Variants in SZT2 observed in about 807,000 individuals in gnomAD.
SZT2 encodes the protein KICSTOR complex protein SZT2.
SZT2 carries 216 observed loss-of-function variants against 404.2 expected under a neutral mutation model. The observed-to-expected ratio is 0.53, with a 90% CI of 0.48 to 0.60. The LOEUF is 0.60. Among genes scored for constraint, SZT2 ranks in the 20% least tolerant of loss-of-function variants. The probability of loss-of-function intolerance (pLI) is 0.00; values close to 1 mark genes in which losing one functional copy is unlikely to be tolerated. For synonymous variants in SZT2, 1,693 were observed against 1,749.9 expected, an observed-to-expected ratio of 0.97 and a Z score of 0.81; for missense variants, 3,857 against 4,459.2, an observed-to-expected ratio of 0.86 and a Z score of 3.85.
Position 43,447,107 on chromosome 1 carries a change from G to A in SZT2, c.9225G>A (p.Leu3075=). The A allele has an allele frequency of 1.2e-6, 2 of 1,613,900 alleles. No homozygotes were observed. Among genetic ancestry groups the A allele is most frequent in the Non-Finnish European group, 1.7e-6 (2 of 1,180,012 alleles). ...ACGGCTACCACCTCACCACCTTTCT[G>A]CGACACTTCCTGGCCCACCACCCTG... is the stretch of plus-strand genomic sequence containing the variant. The part of the protein sequence containing the change: ...LRHGYHLTTF[L]RHFLAHHPDG... The change falls in exon 66 of 72, where the codon CTG becomes CTA. Residue 3075 remains leucine, a synonymous_variant. Coordinates refer to ENST00000634258, the MANE Select transcript of SZT2 (RefSeq NM_001365999.1).
Position 43,437,834 on chromosome 1 carries a change from A to G in SZT2, c.6440A>G (p.Asp2147Gly). Residue 2147 changes from aspartate to glycine, a missense_variant, in exon 46 of 72, where the codon GAT (aspartate) becomes GGT (glycine). Around this residue, in one of 7 missense-constraint regions of SZT2, gnomAD observed 261 missense variants for 372.9 expected, o/e 0.70. Transcript: ENST00000634258. The surrounding 1 kb of genome is among the most constrained non-coding windows in gnomAD (Gnocchi z 5.3). ...PLDMVSSRSS[D>G]AARPVGQVDR... ...GACATGGTCTCTAGCCGCAGTTCAGATGCTGCTCGTCCTGTGGGCCAAGTG... is the reference window on the plus strand; with the variant it reads ...GACATGGTCTCTAGCCGCAGTTCAGGTGCTGCTCGTCCTGTGGGCCAAGTG... The G allele has an allele frequency of 6.2e-7, 1 of 1,614,090 alleles. No homozygotes were observed. The highest frequency in any genetic ancestry group is 1.3e-5 in the African/African-American group (1 of 75,008).
chr1:43,441,089 C>T lies in SZT2; in HGVS notation c.7345-125C>T. ...CTGCCCAAGGCTCCTTAGCCAGCCC[C>T]TGGGGAAGCCAGGGTCTGAACCCAG... On this transcript the variant is annotated intron_variant, in intron 52 of 71. Coordinates refer to ENST00000634258, the MANE Select transcript of SZT2 (RefSeq NM_001365999.1). This position sits in a 1 kb window ranked among gnomAD's most constrained non-coding sequence, Gnocchi z 4.8. 7.9e-7 allele frequency: 1 copy of T among 1,266,116 alleles called. No individual in the cohort carries two copies. The highest frequency in any genetic ancestry group is 1.1e-6 in the Non-Finnish European group (1 of 912,806). 78.4% of individuals were successfully genotyped at this position (1,266,116 alleles called of 1,614,324 possible). A position where few individuals can be genotyped will look rare whatever the true frequency, so the allele number is the denominator to read the frequency against.
Position 43,426,537 on chromosome 1 carries a change from A to T in SZT2, c.3213A>T (p.Pro1071=), listed in dbSNP as rs189842753. The T allele has an allele frequency of 4.5e-6, 7 of 1,566,396 alleles. No individual in the cohort carries two copies. The African/African-American group carries it at 9.4e-5, about 21-fold the overall frequency. The change falls in exon 22 of 72, where the codon CCA becomes CCT. Residue 1071 remains proline (P), a splice_region_variant and synonymous_variant. Transcript: ENST00000634258. The surrounding 1 kb of genome is among the most constrained non-coding windows in gnomAD (Gnocchi z 4.9). ...SEVLRRTCHV[P]GAEGPLLGVH... ...TGCTGCGGCGGACCTGCCACGTTCC[A>T]GGTGAGTTCCCCACATCCTCCTGAC...
chr1:43,451,961 T>G lies in SZT2; in HGVS notation c.*1481T>G, dbSNP rs1161016781. ...CTGCTGGGGCGTGTCCAGGAAGTACTGGGGGTCAGTGATGCGGGTGTTGAT... is the reference window on the plus strand; with the variant it reads ...CTGCTGGGGCGTGTCCAGGAAGTACGGGGGGTCAGTGATGCGGGTGTTGAT... On this transcript the variant is annotated 3_prime_UTR_variant, in exon 72 of 72. Coordinates refer to ENST00000634258, the MANE Select transcript of SZT2 (RefSeq NM_001365999.1). 24 of 1,612,138 alleles carry G rather than the reference T, an allele frequency of 1.5e-5. No homozygotes were observed. The highest frequency in any genetic ancestry group is 2.0e-5 in the Non-Finnish European group (23 of 1,178,626).
chr1:43,453,499 T>C lies in SZT2; in HGVS notation c.*3019T>C, dbSNP rs1656677995. 6.5e-7 allele frequency: 1 copy of C among 1,549,602 alleles called. No individual in the cohort carries two copies. The highest frequency in any genetic ancestry group is 1.9e-5 in the Admixed American group (1 of 52,206). ...CCATTTCCCCCTTCTCTTGGTCTCC[T>C]GCAGAGAGAACGGGCCTCAGCCCCC... is the stretch of plus-strand genomic sequence containing the variant. On this transcript the variant is annotated 3_prime_UTR_variant, in exon 72 of 72. Coordinates refer to ENST00000634258, the MANE Select transcript of SZT2 (RefSeq NM_001365999.1).
At position 43,439,261 on chromosome 1, in the gene SZT2, A is replaced by T; in HGVS notation, c.6793-97A>T. On this transcript the variant is annotated intron_variant, in intron 48 of 71. Transcript: ENST00000634258. This position sits in a 1 kb window ranked among gnomAD's most constrained non-coding sequence, Gnocchi z 4.2. Reference sequence around the variant, plus strand: ...CCCGCCTGTGTCTTCTCATGCTCCCATATCTACCTGCACCACATTCCCCAC... The same window carrying T: ...CCCGCCTGTGTCTTCTCATGCTCCCTTATCTACCTGCACCACATTCCCCAC... 2 of 1,533,824 alleles carry T rather than the reference A, an allele frequency of 1.3e-6. No individual in the cohort carries two copies. Among genetic ancestry groups the T allele is most frequent in the Non-Finnish European group, 9.0e-7 (1 of 1,110,516 alleles).
chr1:43,452,386 T>C lies in SZT2; in HGVS notation c.*1906T>C, dbSNP rs1447263223. 9.2e-6 allele frequency: 12 copies of C among 1,299,272 alleles called. No individual in the cohort carries two copies. The highest frequency in any genetic ancestry group is 2.5e-5 in the South Asian group (2 of 80,352). 80.5% of individuals were successfully genotyped at this position (1,299,272 alleles called of 1,614,324 possible). The stretch of plus-strand genomic sequence containing the variant: ...TCTCTGCACCTCTTCCAGGATTCCC[T>C]GACTGTGCCAGCCCTCGTCCGTCTC... On this transcript the variant is annotated 3_prime_UTR_variant, in exon 72 of 72. Coordinates refer to ENST00000634258, the MANE Select transcript of SZT2 (RefSeq NM_001365999.1).
chr1:43,441,606 G>GACCCCAGCCTCCCCTCCCATCCCTCA lies in SZT2; in HGVS notation c.7609+16_7609+41dup, dbSNP rs1439009839. ...TGGAGTTTATGGTTCAGATTGGTGAGACCCCAGCCTCCCCTCCCATCCCTC... is the reference window on the plus strand; with the variant it reads ...TGGAGTTTATGGTTCAGATTGGTGAGACCCCAGCCTCCCCTCCCATCCCTCAACCCCAGCCTCCCCTCCCATCCCTC... On this transcript the variant is annotated splice_donor_region_variant and intron_variant, in intron 54 of 71. Transcript: ENST00000634258. The surrounding 1 kb of genome is among the most constrained non-coding windows in gnomAD (Gnocchi z 4.8). The GACCCCAGCCTCCCCTCCCATCCCTCA allele has an allele frequency of 6.2e-7, 1 of 1,614,048 alleles. No homozygotes were observed. Among genetic ancestry groups the GACCCCAGCCTCCCCTCCCATCCCTCA allele is most frequent in the African/African-American group, 1.3e-5 (1 of 75,028 alleles).
intron 1 of SZT2, among the ~76,000 whole-genome samples, chr1:43,392,336 T>C (rs1648489021): frequency 6.6e-6 from 1 of 151,966 alleles, no homozygotes. Flanking sequence ...TAGTAGTCTT[T>C]ACCATATAGA....
rs1485760539 is a variant in SZT2 at position 43,451,364 on chromosome 1, CT to C, written c.*885del. On this transcript the variant is annotated 3_prime_UTR_variant, in exon 72 of 72. Coordinates refer to ENST00000634258, the MANE Select transcript of SZT2 (RefSeq NM_001365999.1). Reference sequence around the variant, plus strand: ...TCAGCCCACAAGGAGAAAACAGCCCCTGTCCGGGTCCCTCCAGAGCTCCCTT... The same window carrying C: ...TCAGCCCACAAGGAGAAAACAGCCCCGTCCGGGTCCCTCCAGAGCTCCCTT... 2.5e-6 allele frequency: 4 copies of C among 1,612,188 alleles called. No homozygotes were observed. The Admixed American group carries it at 6.7e-5, about 27-fold the overall frequency.
intron 41 of SZT2, among the ~76,000 whole-genome samples, chr1:43,434,906 G>A (rs1654303906): frequency 6.6e-6 from 1 of 152,228 alleles, no homozygotes; most frequent in Non-Finnish European, 1.5e-5. Context: ...ACGAAAGCAT[G>A]TAACAGGGAT....
chr1:43,400,496 G>A (rs1017735206), intron 1 of SZT2, among the ~76,000 whole-genome samples: 5 of 152,126 alleles, frequency 3.3e-5, no homozygotes, highest in African/African-American at 1.2e-4. Context: ...TACTACTTAC[G>A]TTGAATCACT....
rs2153934658 is a variant in SZT2, at chr1:43,435,281, A to G, written c.5986A>G (p.Ser1996Gly). The change falls in exon 42 of 72, where the codon AGT (serine) becomes GGT (glycine). Residue 1996 changes from serine to glycine, a missense_variant. Ser to Gly is a moderately conservative substitution (Grantham distance 56, BLOSUM62 0). Around this residue, in one of 7 missense-constraint regions of SZT2, gnomAD observed 1,725 missense variants for 1,881.0 expected, o/e 0.92. Coordinates refer to ENST00000634258, the MANE Select transcript of SZT2 (RefSeq NM_001365999.1). ...CGAGAGTGAAGAAGATCTGTGGCGCAGTGAGACTCCCTTCCACTCCCGTCA... is the reference window on the plus strand; with the variant it reads ...CGAGAGTGAAGAAGATCTGTGGCGCGGTGAGACTCCCTTCCACTCCCGTCA... ...VAESEEDLWR[S>G]ETPFHSRQRA... 13 of 1,614,240 alleles carry G rather than the reference A, an allele frequency of 8.1e-6. No homozygotes were observed. Among genetic ancestry groups the G allele is most frequent in the Non-Finnish European group, 1.1e-5 (13 of 1,180,042 alleles).
Position 43,451,502 on chromosome 1 carries a change from C to T in SZT2, c.*1022C>T. The T allele has an allele frequency of 6.2e-7, 1 of 1,614,156 alleles. No individual in the cohort carries two copies. Among genetic ancestry groups the T allele is most frequent in the Non-Finnish European group, 8.5e-7 (1 of 1,180,042 alleles). On this transcript the variant is annotated 3_prime_UTR_variant, in exon 72 of 72. Coordinates refer to ENST00000634258, the MANE Select transcript of SZT2 (RefSeq NM_001365999.1). Reference sequence around the variant, plus strand: ...GGGGAAATTCAGCTCTCCGGGGCTGCTGGGCTCCCCTCGGCCTGGGACCTG... The same window carrying T: ...GGGGAAATTCAGCTCTCCGGGGCTGTTGGGCTCCCCTCGGCCTGGGACCTG...
rs1219097982 is a variant in SZT2 at position 43,452,914 on chromosome 1, C to T, written c.*2434C>T. The stretch of plus-strand genomic sequence containing the variant: ...AACAGGCTACATACATGTCCAGCCT[C>T]AGGAACGCTGCCAAATACACCAGGC... On this transcript the variant is annotated 3_prime_UTR_variant, in exon 72 of 72. Transcript: ENST00000634258. 1.2e-6 allele frequency: 2 copies of T among 1,604,412 alleles called. No individual in the cohort carries two copies. The highest frequency in any genetic ancestry group is 1.1e-5 in the South Asian group (1 of 88,752).
At position 43,447,141 on chromosome 1, in the gene SZT2, C is replaced by T; in HGVS notation, c.9259C>T (p.His3087Tyr). ...HFLAHHPDGP[H>Y]FGRNHIYQGT... ...CCTGGCCCACCACCCTGACGGACCCCACTTTGGCCGCAATCACATTTACCA... is the reference window on the plus strand; with the variant it reads ...CCTGGCCCACCACCCTGACGGACCCTACTTTGGCCGCAATCACATTTACCA... The change falls in exon 66 of 72, where the codon CAC (histidine) becomes TAC (tyrosine). Residue 3087 changes from histidine to tyrosine, a missense_variant. By Grantham distance (83) the His-to-Tyr change is moderately conservative. This residue lies in a region of SZT2 where 717 missense variants were observed against 868.2 expected (regional missense o/e 0.83). Transcript: ENST00000634258. 1 of 1,613,258 alleles carries T rather than the reference C, an allele frequency of 6.2e-7. No individual in the cohort carries two copies. The highest frequency in any genetic ancestry group is 8.5e-7 in the Non-Finnish European group (1 of 1,179,946).
At chr1:43,393,739 A>G (rs923818943) in intron 1 of SZT2, among the ~76,000 whole-genome samples, 8 of 152,344 alleles carry the variant, frequency 5.3e-5, no homozygotes, top group African/African-American at 1.9e-4. Flanking sequence ...AATGAGATGG[A>G]CCATGCTTCA....
Position 43,395,690 on chromosome 1 carries a change from A to G in SZT2, c.27+5695A>G, listed in dbSNP as rs149414870. Reference sequence around the variant, plus strand: ...AATAGTCACAGTGATTATTTGATCAATGTTTTTGTCCTTCACTATAGAATA... The same window carrying G: ...AATAGTCACAGTGATTATTTGATCAGTGTTTTTGTCCTTCACTATAGAATA... On this transcript the variant is annotated intron_variant, in intron 1 of 71. Coordinates refer to ENST00000634258, the MANE Select transcript of SZT2 (RefSeq NM_001365999.1). 6.6e-5 allele frequency among the ~76,000 whole-genome samples: 10 copies of G among 152,340 alleles called. No individual in the cohort carries two copies. In the East Asian group the frequency reaches 1.3e-3, roughly 21 times the overall value.
rs142811548 is a variant in SZT2 at position 43,427,302 on chromosome 1, G to C, written c.3455G>C (p.Cys1152Ser). 1.2e-6 allele frequency: 2 copies of C among 1,611,246 alleles called. No individual in the cohort carries two copies. Among genetic ancestry groups the C allele is most frequent in the Admixed American group, 1.7e-5 (1 of 59,612 alleles). ...TFSDVQRLAA[C>S]GLEGPPQEET... ...TCAGATGTCCAGCGTCTGGCTGCCT[G>C]TGGCCTGGAGGGACCCCCTCAAGAG... The change falls in exon 25 of 72, where the codon TGT (cysteine) becomes TCT (serine). Residue 1152 changes from cysteine to serine, a missense_variant. Cys to Ser is a moderately radical substitution (Grantham distance 112). This residue lies in a region of SZT2 where 1,725 missense variants were observed against 1,881.0 expected (regional missense o/e 0.92). Coordinates refer to ENST00000634258, the MANE Select transcript of SZT2 (RefSeq NM_001365999.1).
Sources: gnomAD v4.1 joint callset for allele counts (sites outside exome capture counted in the v4.1 genomes callset) on GRCh38, gnomAD v4.1.1 for gene constraint, gnomAD v4.1.1 regional missense constraint, Gnocchi (gnomAD v3.1) non-coding constraint, MANE v1.5 for transcripts, NCBI Gene and HGNC (gene_info 2026-07-23, HGNC 2026-07-21) for gene names.